The following ELAC2 variants were observed in gnomAD, a reference collection of about 807,000 sequenced individuals.
ELAC2 encodes elaC ribonuclease Z 2.
In ELAC2, 92 loss-of-function variants were observed where a neutral mutation model predicts 105.2. The observed-to-expected ratio is 0.87, with a 90% CI of 0.74 to 1.04. ELAC2 has a LOEUF of 1.04. Ranked by LOEUF, ELAC2 falls within the 50% of genes least tolerant of loss-of-function variation. The pLI, the probability that ELAC2 is intolerant of heterozygous loss-of-function variation, is 0.00. For synonymous variants in ELAC2, 468 were observed against 409.1 expected, an observed-to-expected ratio of 1.14 and a Z score of -1.74; for missense variants, 1,099 against 1,071.7, an observed-to-expected ratio of 1.03 and a Z score of -0.36.
In ELAC2 at chr17:12,992,689, A is replaced by C; in HGVS notation, c.*129T>G. On this transcript the variant is annotated 3_prime_UTR_variant, in exon 24 of 24. Transcript: ENST00000338034. ...GGAGCCCAAGCCTCGGCACAGCTCC[A>C]TACCACCTATCCTGAGCTGCCTCCT... 8.9e-7 allele frequency: 1 copy of C among 1,121,800 alleles called. No homozygotes were observed. Among genetic ancestry groups the C allele is most frequent in the South Asian group, 1.4e-5 (1 of 74,032 alleles). 69.5% of individuals were successfully genotyped at this position (1,121,800 alleles called of 1,614,324 possible).
At chr17:12,997,409 G>T (rs1250158832) in intron 16 of ELAC2, among the ~76,000 whole-genome samples, 2 of 152,224 alleles carry the variant, frequency 1.3e-5, no homozygotes, top group African/African-American at 4.8e-5. Flanking sequence ...ATTTTGCAGA[G>T]AGAAGCCCCG....
At chr17:13,011,809 A>G in intron 6 of ELAC2, 27 bp from the exon 7 acceptor site, 2 of 1,614,048 alleles carry the variant, frequency 1.2e-6, no homozygotes, top group Non-Finnish European at 1.7e-6. Context: ...CCACCAAATT[A>G]CACACTGCAC....
intron 15 of ELAC2, among the ~76,000 whole-genome samples, chr17:12,999,342 C>G (rs2040637586): frequency 6.6e-6 from 1 of 152,226 alleles, no homozygotes; most frequent in South Asian, 2.1e-4. Context: ...AGGAAATGCT[C>G]TGCTTCCCAA....
At chr17:13,003,431 C>T (rs2040932379) in intron 12 of ELAC2, 48 bp downstream of exon 12, 3 of 1,553,922 alleles carry the variant, frequency 1.9e-6, no homozygotes, top group Non-Finnish European at 8.9e-7. Flanking sequence ...GGGAATCCAC[C>T]ACTGCCCAGA....
chr17:13,015,871 G>A, intron 3 of ELAC2, 39 bp from the exon 4 acceptor site: 1 of 1,544,014 alleles, frequency 6.5e-7, no homozygotes, highest in East Asian at 2.2e-5. Context: ...TCATCAATTT[G>A]ACCTGTCGTC....
rs748123262 is a variant in ELAC2 at position 13,017,076 on chromosome 17, C to T, written c.291G>A (p.Glu97=). The T allele has an allele frequency of 2.1e-4, 338 of 1,614,000 alleles. No homozygotes were observed. The highest frequency in any genetic ancestry group is 2.7e-4 in the Non-Finnish European group (321 of 1,180,008). The change falls in exon 2 of 24, where the codon GAG becomes GAA. Residue 97 remains glutamate, a synonymous_variant. Coordinates refer to ENST00000338034, the MANE Select transcript of ELAC2 (RefSeq NM_018127.7). The part of the protein sequence containing the change: ...CGEGVQRLMQ[E]HKLKVARLDN... ...AAAGCAAGAGACTGACTCACTTGTGCTCCTGCATGAGTCTCTGAACGCCTT... is the reference window on the plus strand; with the variant it reads ...AAAGCAAGAGACTGACTCACTTGTGTTCCTGCATGAGTCTCTGAACGCCTT...
At position 13,003,540 on chromosome 17, in the gene ELAC2, C is replaced by T; in HGVS notation, c.1018G>A (p.Val340Met). 1.2e-6 allele frequency: 2 copies of T among 1,614,208 alleles called. No homozygotes were observed. Among genetic ancestry groups the T allele is most frequent in the Middle Eastern group, 3.3e-4 (2 of 6,062 alleles). ...QGKADAPVAL[V>M]VHMAPASVLV... Reference sequence around the variant, plus strand: ...ACAGATGCTGGGGCCATGTGAACCACCAAGGCCACGGGGGCATCTGCCTTT... The same window carrying T: ...ACAGATGCTGGGGCCATGTGAACCATCAAGGCCACGGGGGCATCTGCCTTT... The change falls in exon 12 of 24, where the codon GTG becomes ATG. Residue 340 changes from valine (V) to methionine (M), a missense_variant. Coordinates refer to ENST00000338034, the MANE Select transcript of ELAC2 (RefSeq NM_018127.7).
At position 13,003,778 on chromosome 17, in the gene ELAC2, G is replaced by C. The variant is rs58578352; in HGVS notation, c.984-204C>G. ...CATTTCCAATGGACGTGGGATTCCT[G>C]TATCTGGCAAGCTCTGCTCTGGGCT... On this transcript the variant is annotated intron_variant, in intron 11 of 23. Coordinates refer to ENST00000338034, the MANE Select transcript of ELAC2 (RefSeq NM_018127.7). 0.28 allele frequency: 165,667 copies of C among 597,230 alleles called. 24,518 individuals are homozygous for C. Among genetic ancestry groups the C allele is most frequent in the Middle Eastern group, 0.34 (770 of 2,256 alleles). The allele number at this position is 597,230 out of a possible 1,614,324, so 37.0% of individuals were successfully genotyped here.
At chr17:12,996,315 G>A in intron 17 of ELAC2, 1 of 675,306 alleles carries the variant, frequency 1.5e-6, no homozygotes, top group Admixed American at 2.4e-5. Flanking sequence ...AGGAAGGCTG[G>A]GTAAACTCAA....
Position 12,998,406 on chromosome 17 carries a change from G to C in ELAC2, c.1520+6C>G. 6.2e-7 allele frequency: 1 copy of C among 1,613,116 alleles called. No individual in the cohort carries two copies. Among genetic ancestry groups the C allele is most frequent in the Non-Finnish European group, 8.5e-7 (1 of 1,179,040 alleles). On this transcript the variant is annotated splice_donor_region_variant and intron_variant, in intron 16 of 23. Transcript: ENST00000338034. ...TGGAAGGATGCTTCCTGGGAAAGCA[G>C]CATACCTTATGTTGACAAGTGTGGC...
chr17:13,014,663 T>C (rs1332088451), intron 4 of ELAC2, among the ~76,000 whole-genome samples, 167 bp from the exon 5 acceptor site: 1 of 152,164 alleles, frequency 6.6e-6, no homozygotes, highest in Non-Finnish European at 1.5e-5. Flanking sequence ...TTATATCAGA[T>C]GCCAAGGATA....
intron 6 of ELAC2, 86 bp downstream of exon 6, chr17:13,013,121 G>A: frequency 5.4e-6 from 8 of 1,473,516 alleles, no homozygotes; most frequent in Non-Finnish European, 6.6e-6. Context: ...GGTGCCCACA[G>A]CAAGTGTTCA....
Position 12,994,493 on chromosome 17 carries a change from G to T in ELAC2, c.2040C>A (p.Ala680=). 4 of 1,614,154 alleles carry T rather than the reference G, an allele frequency of 2.5e-6. No homozygotes were observed. Among genetic ancestry groups the T allele is most frequent in the Non-Finnish European group, 3.4e-6 (4 of 1,180,026 alleles). ...CEALVRMGKD[A]TLLIHEATLE... ...GGGTGGCTTCATGTATCAGGAGGGTGGCATCTTTCCCTGGAGAAGCAGCAC... is the reference window on the plus strand; with the variant it reads ...GGGTGGCTTCATGTATCAGGAGGGTTGCATCTTTCCCTGGAGAAGCAGCAC... The change falls in exon 22 of 24, where the codon GCC becomes GCA. Residue 680 remains alanine, a synonymous_variant. Transcript: ENST00000338034.
Position 13,010,683 on chromosome 17 carries a change from C to G in ELAC2, c.680-12G>C. 6.2e-7 allele frequency: 1 copy of G among 1,613,264 alleles called. No homozygotes were observed. The highest frequency in any genetic ancestry group is 8.5e-7 in the Non-Finnish European group (1 of 1,179,266). On this transcript the variant is annotated splice_polypyrimidine_tract_variant and intron_variant, in intron 7 of 23. Transcript: ENST00000338034. Reference sequence around the variant, plus strand: ...TCTCTGGCTAACACCTGAGGAAAAACACACTTGATTATCACAAGGTAAATG... The same window carrying G: ...TCTCTGGCTAACACCTGAGGAAAAAGACACTTGATTATCACAAGGTAAATG...
intron 7 of ELAC2, 111 bp downstream of exon 7, chr17:13,011,552 T>A: frequency 6.4e-7 from 1 of 1,557,628 alleles, no homozygotes; most frequent in Non-Finnish European, 8.8e-7. Flanking sequence ...GGAAGAAGGA[T>A]CTGTTTACAC....
At position 12,993,066 on chromosome 17, in the gene ELAC2, C is replaced by CA. The variant is rs756198729; in HGVS notation, c.2254-22dup. On this transcript the variant is annotated intron_variant, in intron 23 of 23. Transcript: ENST00000338034. ...CAGACCTAGAAGACACAATAGAAGACAAGGACATGTCTCAGAGGGGCAGGG... is the reference window on the plus strand; with the variant it reads ...CAGACCTAGAAGACACAATAGAAGACAAAGGACATGTCTCAGAGGGGCAGGG... The CA allele has an allele frequency of 2.6e-5, 41 of 1,599,196 alleles. No homozygotes were observed. The Admixed American group carries it at 6.7e-4, about 26-fold the overall frequency.
At chr17:13,009,269 T>C (rs548739754) in intron 8 of ELAC2, among the ~76,000 whole-genome samples, 16 of 152,196 alleles carry the variant, frequency 1.1e-4, no homozygotes, top group Non-Finnish European at 2.1e-4. Flanking sequence ...TTTTCACTTG[T>C]AGCTTTTAGA....
chr17:13,005,803 T>A lies in ELAC2; in HGVS notation c.820A>T (p.Ile274Phe). Reference protein sequence around the residue: ...LPVGTAAIAPIIAAVKDGKSI... With the variant: ...LPVGTAAIAPFIAAVKDGKSI... ...TTCCCGTCCTTGACAGCAGCAATGA[T>A]GGGAGCGATGGCAGCTGTCCCACTG... The change falls in exon 10 of 24, where the codon ATC (isoleucine) becomes TTC (phenylalanine). Residue 274 changes from isoleucine (I) to phenylalanine (F), a missense_variant. Transcript: ENST00000338034. 1 of 1,614,168 alleles carries A rather than the reference T, an allele frequency of 6.2e-7. No individual in the cohort carries two copies. The highest frequency in any genetic ancestry group is 8.5e-7 in the Non-Finnish European group (1 of 1,180,044).
rs750940795 is a variant in ELAC2 at position 12,992,212 on chromosome 17, A to T, written c.*606T>A. On this transcript the variant is annotated 3_prime_UTR_variant, in exon 24 of 24. Transcript: ENST00000338034. ...TCGAGTTGTCAAAAAGACTTGGCGA[A>T]TAAGGGTGGCTCTCTGAGGACAGGT... 9.2e-5 allele frequency among the ~76,000 whole-genome samples: 14 copies of T among 152,242 alleles called. No individual in the cohort carries two copies. The highest frequency in any genetic ancestry group is 3.9e-4 in the Admixed American group (6 of 15,300).
Sources: allele counts gnomAD v4.1 joint callset (sites outside exome capture counted in the v4.1 genomes callset), GRCh38; gene constraint gnomAD v4.1.1; transcripts MANE v1.5; gene names NCBI Gene and HGNC (gene_info 2026-07-23, HGNC 2026-07-21).